Variants in ALDH5A1 observed in about 807,000 individuals in gnomAD.
ALDH5A1 encodes the protein aldehyde dehydrogenase 5 family member A1.
A neutral mutation model predicts 54.7 loss-of-function variants in ALDH5A1; 33 were observed. That is an observed-to-expected ratio of 0.60 (90% CI 0.46 to 0.81). The LOEUF is 0.81. Ranked by LOEUF, ALDH5A1 falls within the 30% of genes least tolerant of loss-of-function variation. ALDH5A1 has a pLI of 0.00. For missense variants in ALDH5A1, 657 were observed against 711.0 expected (o/e 0.92, Z 0.86); for synonymous variants, 294 against 292.7 (o/e 1.00, Z -0.05).
In ALDH5A1 at chr6:24,525,413, T is replaced by C. The variant is rs532261544; in HGVS notation, c.1173+2488T>C. 4.0e-5 allele frequency among the ~76,000 whole-genome samples: 6 copies of C among 151,868 alleles called. No homozygotes were observed. In the South Asian group the frequency reaches 1.3e-3, roughly 32 times the overall value. Reference sequence around the variant, plus strand: ...CCTGAAACCCTATAGAAAATTCAGCTGAGGGCCGGGCACAGTGGCTCACGC... The same window carrying C: ...CCTGAAACCCTATAGAAAATTCAGCCGAGGGCCGGGCACAGTGGCTCACGC... On this transcript the variant is annotated intron_variant, in intron 7 of 9. Coordinates refer to ENST00000357578, the MANE Select transcript of ALDH5A1 (RefSeq NM_001080.3).
Position 24,509,910 on chromosome 6 carries a change from C to G in ALDH5A1, c.726+4925C>G, listed in dbSNP as rs1378147146. ...TGGGACCTTAGATTATTTATTTATG[C>G]TCTTTCAGACTTTTTGATGTAAGCA... On this transcript the variant is annotated intron_variant, in intron 4 of 9. Transcript: ENST00000357578. This position sits in a 1 kb window ranked among gnomAD's most constrained non-coding sequence, Gnocchi z 4.7. Among the ~76,000 whole-genome samples the G allele has an allele frequency of 2.0e-5, 3 of 151,960 alleles. No individual in the cohort carries two copies. The highest frequency in any genetic ancestry group is 4.4e-5 in the Non-Finnish European group (3 of 67,986).
In ALDH5A1 at chr6:24,518,655, C is replaced by T. The variant is rs1278883276; in HGVS notation, c.871-1746C>T. On this transcript the variant is annotated intron_variant, in intron 5 of 9. Coordinates refer to ENST00000357578, the MANE Select transcript of ALDH5A1 (RefSeq NM_001080.3). The surrounding 1 kb of genome is among the most constrained non-coding windows in gnomAD (Gnocchi z 4.2). ...TTAAAACTTGAACTACTTTGTTGAA[C>T]AGTAATGTTTCAGAGAAGATTGTTA... 6.6e-6 allele frequency among the ~76,000 whole-genome samples: 1 copy of T among 152,164 alleles called. No homozygotes were observed. The highest frequency in any genetic ancestry group is 1.5e-5 in the Non-Finnish European group (1 of 68,026).
chr6:24,528,210 G>T, intron 8 of ALDH5A1, 44 bp downstream of exon 8: 7 of 1,609,788 alleles, frequency 4.3e-6, no homozygotes, highest in Non-Finnish European at 5.9e-6. Flanking sequence ...AAGAATAGAA[G>T]AGAACATAGG....
At chr6:24,503,522 C>CACG in intron 3 of ALDH5A1, 89 bp downstream of exon 3, 3 of 1,493,278 alleles carry the variant, frequency 2.0e-6, no homozygotes, top group Non-Finnish European at 2.7e-6. Flanking sequence ...CAGGTGTGCT[C>CACG]ATCCTGTTAG....
At chr6:24,527,884 A>T in intron 7 of ALDH5A1, 113 bp from the exon 8 acceptor site, 2 of 1,218,016 alleles carry the variant, frequency 1.6e-6, no homozygotes, top group East Asian at 2.4e-5. Context: ...TTTATTGTTA[A>T]CCTACTTTTT....
At chr6:24,519,313 C>G (rs1353960375) in intron 5 of ALDH5A1, among the ~76,000 whole-genome samples, 2 of 152,122 alleles carry the variant, frequency 1.3e-5, no homozygotes, top group Non-Finnish European at 2.9e-5. Context: ...ACCTGTAATC[C>G]CAGCACTTTG....
intron 8 of ALDH5A1, among the ~76,000 whole-genome samples, chr6:24,530,362 T>A (rs1054428489): frequency 3.3e-5 from 5 of 152,044 alleles, no homozygotes; most frequent in African/African-American, 9.7e-5. Context: ...TTTTCCTTTT[T>A]AAAAAAAACA....
At chr6:24,526,965 TG>T (rs1759819664) in intron 7 of ALDH5A1, among the ~76,000 whole-genome samples, 1 of 7,474 alleles carries the variant, frequency 1.3e-4, no homozygotes, top group African/African-American at 2.9e-4. Flanking sequence ...TATATATATA[TG>T]TGTGTGTGTA....
rs1222314471 is a variant in ALDH5A1, at chr6:24,534,467, T to C, written c.*755T>C. ...GAATAGCAGAAGCAGCTTGGTAGGA[T>C]GGAAGGCACGCAGTGGCATGGCCTG... On this transcript the variant is annotated 3_prime_UTR_variant, in exon 10 of 10. Coordinates refer to ENST00000357578, the MANE Select transcript of ALDH5A1 (RefSeq NM_001080.3). 1 of 152,432 alleles carries C rather than the reference T, an allele frequency of 6.6e-6. No homozygotes were observed. Among genetic ancestry groups the C allele is most frequent in the African/African-American group, 2.4e-5 (1 of 41,454 alleles). The allele number at this position is 152,432 out of a possible 1,614,324, so 9.4% of individuals were successfully genotyped here. A position where few individuals can be genotyped will look rare whatever the true frequency, so the allele number is the denominator to read the frequency against.
At position 24,509,755 on chromosome 6, in the gene ALDH5A1, C is replaced by T. The variant is rs1239750203; in HGVS notation, c.726+4770C>T. Among the ~76,000 whole-genome samples, 1 of 152,070 alleles carries T rather than the reference C, an allele frequency of 6.6e-6. No homozygotes were observed. The highest frequency in any genetic ancestry group is 6.6e-5 in the Admixed American group (1 of 15,260). On this transcript the variant is annotated intron_variant, in intron 4 of 9. Coordinates refer to ENST00000357578, the MANE Select transcript of ALDH5A1 (RefSeq NM_001080.3). The surrounding 1 kb of genome is among the most constrained non-coding windows in gnomAD (Gnocchi z 4.7). ...CAATTTTATCTTTTCAAAGAACCAG[C>T]TTTTTGTATCATTTATATTTTGTAT...
At chr6:24,505,092 C>T (rs2127383017) in intron 4 of ALDH5A1, 107 bp downstream of exon 4, 6 of 1,111,642 alleles carry the variant, frequency 5.4e-6, no homozygotes, top group Non-Finnish European at 6.8e-6. Flanking sequence ...GCTTACGCCT[C>T]CTGATGCATG....
intron 1 of ALDH5A1, among the ~76,000 whole-genome samples, chr6:24,501,927 ATG>A (rs200086687): frequency 4.1e-5 from 6 of 147,846 alleles, no homozygotes; most frequent in South Asian, 2.2e-4. Flanking sequence ...GTATATATAT[ATG>A]TGTGTGTGTG....
intron 7 of ALDH5A1, among the ~76,000 whole-genome samples, chr6:24,523,344 G>T (rs1759740404): frequency 6.7e-6 from 1 of 149,486 alleles, no homozygotes; most frequent in Non-Finnish European, 1.5e-5. Flanking sequence ...TAAAAAAAAT[G>T]ATGTTAAAAG....
chr6:24,497,071 T>C (rs114221483), intron 1 of ALDH5A1, among the ~76,000 whole-genome samples: 4,859 of 152,236 alleles, frequency 0.032, 128 homozygotes, highest in South Asian at 0.13. Flanking sequence ...CAGTGAGTGT[T>C]ACAGCTCTTA....
rs957372143 is a variant in ALDH5A1, at chr6:24,523,023, G to C, written c.1173+98G>C. On this transcript the variant is annotated intron_variant, in intron 7 of 9. Transcript: ENST00000357578. The stretch of plus-strand genomic sequence containing the variant: ...CTTTGGCTGGAGGGGTGGGGATAGA[G>C]AGGGGTGGGTTGACAGAATATTACA... 1.0e-5 allele frequency: 8 copies of C among 799,934 alleles called. No individual in the cohort carries two copies. The African/African-American group carries it at 1.4e-4, about 14-fold the overall frequency. The allele number at this position is 799,934 out of a possible 1,614,324, so 49.6% of individuals were successfully genotyped here. A position where few individuals can be genotyped will look rare whatever the true frequency, so the allele number is the denominator to read the frequency against.
Position 24,495,112 on chromosome 6 carries a change from C to CCGGCCCGGCCCAG in ALDH5A1, c.118_130dup (p.Leu44ArgfsTer96), listed in dbSNP as rs1481291533. Reference sequence around the variant, plus strand: ...CTGGTCCCTGCCTCCGGGCCTGCGCCCGGCCCGGCCCAGCTCCGCTGCTAC... The same window carrying CCGGCCCGGCCCAG: ...CTGGTCCCTGCCTCCGGGCCTGCGCCCGGCCCGGCCCAGCGGCCCGGCCCAGCTCCGCTGCTAC... On this transcript the variant is annotated frameshift_variant, in exon 1 of 10. Transcript: ENST00000357578. LOFTEE classifies it high-confidence loss of function. 1 of 1,310,908 alleles carries CCGGCCCGGCCCAG rather than the reference C, an allele frequency of 7.6e-7. No homozygotes were observed. The highest frequency in any genetic ancestry group is 1.5e-5 in the African/African-American group (1 of 64,624). The allele number at this position is 1,310,908 out of a possible 1,614,324, so 81.2% of individuals were successfully genotyped here. A position where few individuals can be genotyped will look rare whatever the true frequency, so the allele number is the denominator to read the frequency against.
chr6:24,527,894 T>C lies in ALDH5A1; in HGVS notation c.1174-103T>C, dbSNP rs1759850462. The C allele has an allele frequency of 2.2e-6, 3 of 1,379,000 alleles. No homozygotes were observed. The Admixed American group carries it at 5.5e-5, about 25-fold the overall frequency. 85.4% of individuals were successfully genotyped at this position (1,379,000 alleles called of 1,614,324 possible). A position where few individuals can be genotyped will look rare whatever the true frequency, so the allele number is the denominator to read the frequency against. On this transcript the variant is annotated intron_variant, in intron 7 of 9. Coordinates refer to ENST00000357578, the MANE Select transcript of ALDH5A1 (RefSeq NM_001080.3). Reference sequence around the variant, plus strand: ...CATGCTTTATTGTTAACCTACTTTTTTTGAAAAAGAAAAAAAAATGGAACT... The same window carrying C: ...CATGCTTTATTGTTAACCTACTTTTCTTGAAAAAGAAAAAAAAATGGAACT...
intron 1 of ALDH5A1, among the ~76,000 whole-genome samples, chr6:24,496,085 CGT>C (rs1156359233): frequency 6.6e-6 from 1 of 151,954 alleles, no homozygotes; most frequent in Non-Finnish European, 1.5e-5. Flanking sequence ...AATTTTTTAC[CGT>C]GTCCTTCAAA....
chr6:24,511,245 CT>C (rs2127384620), intron 4 of ALDH5A1, among the ~76,000 whole-genome samples: 1 of 152,282 alleles, frequency 6.6e-6, no homozygotes, highest in African/African-American at 2.4e-5. Flanking sequence ...CCTCACAGCC[CT>C]TAAGACTCTT....
Sources: allele counts gnomAD v4.1 joint callset (sites outside exome capture counted in the v4.1 genomes callset), GRCh38; gene constraint gnomAD v4.1.1; non-coding constraint Gnocchi (gnomAD v3.1); transcripts MANE v1.5; gene names NCBI Gene and HGNC (gene_info 2026-07-23, HGNC 2026-07-21).